The following NUP35 variants were observed in gnomAD, a reference collection of about 807,000 sequenced individuals.
The protein encoded by NUP35 is nucleoporin 35.
A neutral mutation model predicts 41.5 loss-of-function variants in NUP35; 25 were observed. That is an observed-to-expected ratio of 0.60 (90% CI 0.44 to 0.84). The LOEUF (loss-of-function observed/expected upper bound fraction) is 0.84, where lower values mean the gene tolerates loss of function less well. Ranked by LOEUF, NUP35 falls within the 40% of genes least tolerant of loss-of-function variation. The probability of loss-of-function intolerance (pLI) is 0.00; values close to 1 mark genes in which losing one functional copy is unlikely to be tolerated. For synonymous variants in NUP35, 149 were observed against 130.7 expected, an observed-to-expected ratio of 1.14 and a Z score of -0.96; for missense variants, 396 against 396.6, an observed-to-expected ratio of 1.00 and a Z score of 0.01.
intron 4 of NUP35, among the ~76,000 whole-genome samples, chr2:183,149,476 T>C (rs1188884056): frequency 1.3e-5 from 2 of 152,242 alleles, no homozygotes; most frequent in Admixed American, 1.3e-4. Context: ...ATAAAATACC[T>C]GTGAATTCTC....
rs34173657 is a variant in NUP35 at position 183,130,387 on chromosome 2, CTTTTTTTTTTT to C, written c.212-22_212-12del. The C allele has an allele frequency of 3.1e-6, 4 of 1,273,268 alleles. No individual in the cohort carries two copies. Among genetic ancestry groups the C allele is most frequent in the Non-Finnish European group, 4.1e-6 (4 of 967,336 alleles). 78.9% of individuals were successfully genotyped at this position (1,273,268 alleles called of 1,614,324 possible). Reference sequence around the variant, plus strand: ...AAAATCTTACCAAAAAGAAGAATCCCTTTTTTTTTTTTTTTTTTTGTACACTGTAGGTGGGT... The same window carrying C: ...AAAATCTTACCAAAAAGAAGAATCCCTTTTTTTTGTACACTGTAGGTGGGT... On this transcript the variant is annotated intron_variant, in intron 2 of 8. Coordinates refer to ENST00000295119, the MANE Select transcript of NUP35 (RefSeq NM_138285.5).
At chr2:183,117,842 A>T (rs1010322735) in intron 1 of NUP35, among the ~76,000 whole-genome samples, 1 of 152,160 alleles carries the variant, frequency 6.6e-6, no homozygotes, top group African/African-American at 2.4e-5. Context: ...TTATTGAAAA[A>T]TTTTTAAAAT....
At chr2:183,157,591 T>G in intron 6 of NUP35, 78 bp downstream of exon 6, 1 of 994,724 alleles carries the variant, frequency 1.0e-6, no homozygotes, top group Admixed American at 2.3e-5. Context: ...TGCTTCTGAA[T>G]TTTGTGGGTT....
At chr2:183,158,509 T>C in intron 7 of NUP35, 98 bp downstream of exon 7, 2 of 1,083,162 alleles carry the variant, frequency 1.8e-6, no homozygotes, top group Non-Finnish European at 2.6e-6. Context: ...TTTCACTGTG[T>C]CTGTTTTTCT....
At chr2:183,155,060 C>T (rs1685605840) in intron 5 of NUP35, among the ~76,000 whole-genome samples, 1 of 152,150 alleles carries the variant, frequency 6.6e-6, no homozygotes, top group Non-Finnish European at 1.5e-5. Context: ...CACCATGATT[C>T]AATTACCTCT....
intron 5 of NUP35, among the ~76,000 whole-genome samples, chr2:183,153,854 C>T (rs1020462616): frequency 6.6e-6 from 1 of 152,250 alleles, no homozygotes; most frequent in Non-Finnish European, 1.5e-5. Flanking sequence ...TTCCCTTCCG[C>T]ACTGCCCTAG....
Position 183,143,142 on chromosome 2 carries a change from C to T in NUP35, c.398-8366C>T, listed in dbSNP as rs560068236. 9.2e-3 allele frequency among the ~76,000 whole-genome samples: 1,246 copies of T among 135,772 alleles called. 17 individuals are homozygous for T. Among genetic ancestry groups the T allele is most frequent in the African/African-American group, 0.034 (1,158 of 34,116 alleles). The allele number at this position is 135,772 out of a possible 152,430, so 89.1% of individuals were successfully genotyped here. A position where few individuals can be genotyped will look rare whatever the true frequency, so the allele number is the denominator to read the frequency against. On this transcript the variant is annotated intron_variant, in intron 4 of 8. Transcript: ENST00000295119. ...CTGCACTCCAGCCTGGGTGACAGAG[C>T]GAGACTCCATCTCAAAAAAAAAAAA...
chr2:183,158,426 A>G lies in NUP35; in HGVS notation c.738+15A>G. ...GTATTGACAAAGTAAGTTATTGGTGATGTAGGCAAAGTAGCTTAATCTATA... is the reference window on the plus strand; with the variant it reads ...GTATTGACAAAGTAAGTTATTGGTGGTGTAGGCAAAGTAGCTTAATCTATA... On this transcript the variant is annotated intron_variant, in intron 7 of 8. Transcript: ENST00000295119. 6.3e-7 allele frequency: 1 copy of G among 1,579,958 alleles called. No homozygotes were observed. Among genetic ancestry groups the G allele is most frequent in the Middle Eastern group, 1.7e-4 (1 of 5,774 alleles).
intron 1 of NUP35, among the ~76,000 whole-genome samples, chr2:183,118,009 TAG>T (rs1228987051): frequency 6.6e-6 from 1 of 152,132 alleles, no homozygotes; most frequent in Non-Finnish European, 1.5e-5. Context: ...CTTGGCAGTT[TAG>T]GGGGCAAGAA....
chr2:183,158,553 C>A, intron 7 of NUP35, 142 bp downstream of exon 7: 1 of 659,766 alleles, frequency 1.5e-6, no homozygotes, highest in Non-Finnish European at 2.3e-6. Context: ...TTATAGTACT[C>A]TTTGTGGTAA....
At chr2:183,158,665 A>G (rs1425778611) in intron 7 of NUP35, among the ~76,000 whole-genome samples, 1 of 152,132 alleles carries the variant, frequency 6.6e-6, no homozygotes, top group Non-Finnish European at 1.5e-5. Context: ...TAACTTGTCC[A>G]GAGTTGTTAA....
chr2:183,121,427 G>A (rs1287232458), upstream of NUP35, among the ~76,000 whole-genome samples: 1 of 152,074 alleles, frequency 6.6e-6, no homozygotes, highest in African/African-American at 2.4e-5. Context: ...TTCAATTCTG[G>A]GCTTCTTTAT....
intron 8 of NUP35, 200 bp from the exon 9 acceptor site, chr2:183,160,854 G>T: frequency 5.3e-6 from 2 of 377,554 alleles, no homozygotes; most frequent in Non-Finnish European, 1.0e-5. Flanking sequence ...AGGCCGAGGC[G>T]GGCGGATCAC....
Position 183,151,505 on chromosome 2 carries a change from T to C in NUP35, c.398-3T>C, listed in dbSNP as rs368559728. On this transcript the variant is annotated splice_polypyrimidine_tract_variant and splice_region_variant and intron_variant, in intron 4 of 8. Transcript: ENST00000295119. ...AACTAACTTGCTAAATATACTAATA[T>C]AGGGCAAAGTATGTTTAGTCCAGCA... 4.8e-5 allele frequency: 78 copies of C among 1,613,392 alleles called. No homozygotes were observed. The highest frequency in any genetic ancestry group is 1.8e-4 in the East Asian group (8 of 44,858).
intron 4 of NUP35, among the ~76,000 whole-genome samples, chr2:183,141,509 C>G (rs1207375558): frequency 6.6e-6 from 1 of 152,200 alleles, no homozygotes; most frequent in East Asian, 1.9e-4. Context: ...CTCATATTAT[C>G]TGAATATAGT....
rs184408170 is a variant in NUP35, at chr2:183,129,019, G to A, written c.211+562G>A. On this transcript the variant is annotated intron_variant, in intron 2 of 8. Coordinates refer to ENST00000295119, the MANE Select transcript of NUP35 (RefSeq NM_138285.5). ...TTCTGTGTCGGAGATGTCAGAGTGT[G>A]GTGGGGGAAGAGTGCCTCACAGAGT... Among the ~76,000 whole-genome samples, 3 of 152,262 alleles carry A rather than the reference G, an allele frequency of 2.0e-5. No homozygotes were observed. In the East Asian group the frequency reaches 5.8e-4, roughly 29 times the overall value.
intron 4 of NUP35, among the ~76,000 whole-genome samples, chr2:183,142,896 C>G (rs1685147656): frequency 6.6e-6 from 1 of 151,994 alleles, no homozygotes; most frequent in East Asian, 1.9e-4. Context: ...GTGGCTCACG[C>G]CTGTAATCCC....
chr2:183,157,369 A>C (rs914140024), intron 5 of NUP35, 75 bp from the exon 6 acceptor site: 1 of 1,086,340 alleles, frequency 9.2e-7, no homozygotes, highest in African/African-American at 1.6e-5. Flanking sequence ...TTATCTTGAA[A>C]CATTATCTTG....
At chr2:183,124,787 C>T (rs989934645) in intron 1 of NUP35, among the ~76,000 whole-genome samples, 1 of 152,124 alleles carries the variant, frequency 6.6e-6, no homozygotes, top group Non-Finnish European at 1.5e-5. Flanking sequence ...TTAGACTGGC[C>T]CATACCTTAA....
Sources: allele counts gnomAD v4.1 joint callset (sites outside exome capture counted in the v4.1 genomes callset), GRCh38; gene constraint gnomAD v4.1.1; transcripts MANE v1.5; gene names NCBI Gene and HGNC (gene_info 2026-07-23, HGNC 2026-07-21).